Variants in PLA2G4A observed in about 807,000 individuals in gnomAD.
PLA2G4A encodes the protein cytosolic phospholipase A2.
A neutral mutation model predicts 81.9 loss-of-function variants in PLA2G4A; 40 were observed. The observed-to-expected ratio is 0.49, with a 90% confidence interval of 0.38 to 0.64. PLA2G4A has a LOEUF of 0.64. PLA2G4A is among the 30% of genes least tolerant of loss of function. The pLI is 0.00. For missense variants in PLA2G4A, 715 were observed against 905.1 expected (o/e 0.79, Z 2.69); for synonymous variants, 302 against 296.9 (o/e 1.02, Z -0.18).
At chr1:186,906,914 T>C in intron 5 of PLA2G4A, 51 bp from the exon 6 acceptor site, 1 of 920,680 alleles carries the variant, frequency 1.1e-6, no homozygotes, top group South Asian at 1.4e-5. Context: ...TTCCATGATA[T>C]AAACACATAT....
intron 10 of PLA2G4A, among the ~76,000 whole-genome samples, chr1:186,944,697 A>G (rs144983717): frequency 6.6e-6 from 1 of 152,312 alleles, no homozygotes; most frequent in African/African-American, 2.4e-5. Flanking sequence ...AACAATAAAT[A>G]TAGATCCACA....
At chr1:186,934,383 A>G (rs1448862218) in intron 8 of PLA2G4A, among the ~76,000 whole-genome samples, 1 of 149,968 alleles carries the variant, frequency 6.7e-6, no homozygotes, top group African/African-American at 2.4e-5. Context: ...ATATCTTCTC[A>G]CATTCCCCTG....
chr1:186,830,423 C>T lies in PLA2G4A; in HGVS notation c.-70+1388C>T, dbSNP rs141656718. Reference sequence around the variant, plus strand: ...AGGAGTTCGAGACCAGCCTGGCCAACGTGGTGAAACCCCATCTCTACTAAA... The same window carrying T: ...AGGAGTTCGAGACCAGCCTGGCCAATGTGGTGAAACCCCATCTCTACTAAA... On this transcript the variant is annotated intron_variant, in intron 1 of 17. Coordinates refer to ENST00000367466, the MANE Select transcript of PLA2G4A (RefSeq NM_024420.3). 5.3e-5 allele frequency among the ~76,000 whole-genome samples: 8 copies of T among 151,844 alleles called. 1 individual carries two copies. Among genetic ancestry groups the T allele is most frequent in the African/African-American group, 1.4e-4 (6 of 41,400 alleles).
chr1:186,842,508 C>G (rs1652024851), intron 1 of PLA2G4A, among the ~76,000 whole-genome samples: 2 of 152,178 alleles, frequency 1.3e-5, no homozygotes, highest in Admixed American at 6.5e-5. Flanking sequence ...CAAATGCATA[C>G]ATTGGAACCT....
intron 13 of PLA2G4A, among the ~76,000 whole-genome samples, chr1:186,952,947 C>G (rs1036953478): frequency 6.6e-6 from 1 of 152,034 alleles, no homozygotes; most frequent in African/African-American, 2.4e-5. Flanking sequence ...ATTCATTCAC[C>G]TGCTGAGGAA....
intron 7 of PLA2G4A, among the ~76,000 whole-genome samples, chr1:186,922,259 A>G (rs1268309405): frequency 6.6e-6 from 1 of 152,208 alleles, no homozygotes; most frequent in Admixed American, 6.5e-5. Context: ...GTATCAAGAA[A>G]TCCAAGTCAG....
intron 3 of PLA2G4A, among the ~76,000 whole-genome samples, chr1:186,876,344 T>G (rs1346198532): frequency 6.6e-6 from 1 of 152,098 alleles, no homozygotes; most frequent in Non-Finnish European, 1.5e-5. Flanking sequence ...TTTCTAAAAG[T>G]GAACACATCA....
chr1:186,893,739 C>A (rs768108713), intron 4 of PLA2G4A, among the ~76,000 whole-genome samples: 1 of 151,950 alleles, frequency 6.6e-6, no homozygotes, highest in Non-Finnish European at 1.5e-5. Context: ...GCCTGGCCAA[C>A]ACGGTGAGAC....
chr1:186,898,516 AT>A (rs765627253), intron 5 of PLA2G4A, among the ~76,000 whole-genome samples: 61 of 152,232 alleles, frequency 4.0e-4, no homozygotes, highest in Non-Finnish European at 7.6e-4. Context: ...GAGCAAAAGA[AT>A]GATCAACACG....
chr1:186,927,592 G>T (rs958498531), intron 7 of PLA2G4A, among the ~76,000 whole-genome samples: 1 of 152,170 alleles, frequency 6.6e-6, no homozygotes, highest in Admixed American at 6.5e-5. Flanking sequence ...TCATCAGAGT[G>T]TAAAAGAGAT....
At chr1:186,975,564 C>T (rs376582354) in intron 15 of PLA2G4A, among the ~76,000 whole-genome samples, 10 of 152,048 alleles carry the variant, frequency 6.6e-5, no homozygotes, top group African/African-American at 1.9e-4. Context: ...ATGAGAAAGG[C>T]GATGGTATTA....
chr1:186,905,770 A>G (rs1226721212), intron 5 of PLA2G4A, among the ~76,000 whole-genome samples: 2 of 152,120 alleles, frequency 1.3e-5, no homozygotes, highest in Non-Finnish European at 2.9e-5. Flanking sequence ...TATGCCAAAT[A>G]CTATACAATG....
chr1:186,863,770 T>G, intron 2 of PLA2G4A, among the ~76,000 whole-genome samples: 1 of 146,016 alleles, frequency 6.8e-6, no homozygotes, highest in East Asian at 1.9e-4. Context: ...AATTTTTTTT[T>G]TTTTTTTGGG....
chr1:186,974,297 C>G (rs1190375379), intron 15 of PLA2G4A, among the ~76,000 whole-genome samples: 2 of 152,064 alleles, frequency 1.3e-5, no homozygotes, highest in Non-Finnish European at 2.9e-5. Flanking sequence ...ATGAGGGCAT[C>G]CAGCCTGGCC....
chr1:186,909,099 G>A (rs1445815782), intron 6 of PLA2G4A, among the ~76,000 whole-genome samples: 2 of 144,102 alleles, frequency 1.4e-5, no homozygotes, highest in Non-Finnish European at 3.0e-5. Flanking sequence ...TCAGCCTCCC[G>A]AGTAGCTGGG....
intron 1 of PLA2G4A, among the ~76,000 whole-genome samples, chr1:186,847,357 C>T (rs946192478): frequency 1.8e-4 from 26 of 146,292 alleles, no homozygotes; most frequent in Middle Eastern, 3.5e-3. Context: ...TTATTTCATA[C>T]GTGTGTGTGT....
At chr1:186,986,062 A>T (rs1328604997) in intron 17 of PLA2G4A, among the ~76,000 whole-genome samples, 1 of 152,124 alleles carries the variant, frequency 6.6e-6, no homozygotes, top group Non-Finnish European at 1.5e-5. Context: ...AAACCTGGTT[A>T]ATGGTTTCAT....
In PLA2G4A at chr1:186,894,195, CT is replaced by C; in HGVS notation, c.366del (p.Phe122LeufsTer11). ...AAGGTGGGAGAAAAGAAAGAAGTTC[CT>C]TTTATTTTCAACCAAGTAAGTAACA... is the stretch of plus-strand genomic sequence containing the variant. ...SMKVGEKKEV[P>X]FIFNQVTEMV... is the part of the protein sequence containing the mutation. On this transcript the variant is annotated frameshift_variant, in exon 5 of 18. Transcript: ENST00000367466. LOFTEE classifies it high-confidence loss of function. The C allele has an allele frequency of 1.6e-6, 2 of 1,284,464 alleles. No homozygotes were observed. The highest frequency in any genetic ancestry group is 1.2e-5 in the South Asian group (1 of 84,642). The allele number at this position is 1,284,464 out of a possible 1,614,324, so 79.6% of individuals were successfully genotyped here. A position where few individuals can be genotyped will look rare whatever the true frequency, so the allele number is the denominator to read the frequency against.
At chr1:186,909,685 A>G (rs1403572405) in intron 6 of PLA2G4A, among the ~76,000 whole-genome samples, 2 of 145,130 alleles carry the variant, frequency 1.4e-5, no homozygotes, top group Non-Finnish European at 3.1e-5. Context: ...AAAAAAAGTT[A>G]ACTCACTGTC....
Sources: allele counts gnomAD v4.1 joint callset (sites outside exome capture counted in the v4.1 genomes callset), GRCh38; gene constraint gnomAD v4.1.1; transcripts MANE v1.5; gene names NCBI Gene and HGNC (gene_info 2026-07-23, HGNC 2026-07-21).